The following RHOT1 variants were observed in gnomAD, a reference collection of about 807,000 sequenced individuals.
The protein encoded by RHOT1 is ras homolog family member T1.
Under a neutral mutation model 95.3 loss-of-function variants are expected in RHOT1, and 27 were observed. The ratio of observed to expected loss-of-function variants is 0.28; its 90% CI spans 0.21 to 0.39. The LOEUF (loss-of-function observed/expected upper bound fraction) is 0.39, where lower values mean the gene tolerates loss of function less well. Among genes scored for constraint, RHOT1 ranks in the 10% least tolerant of loss-of-function variants. The pLI is 1.00. For synonymous variants in RHOT1, 227 were observed against 263.5 expected, an observed-to-expected ratio of 0.86 and a Z score of 1.34; for missense variants, 578 against 786.7, an observed-to-expected ratio of 0.73 and a Z score of 3.17.
chr17:32,201,524 G>A (rs954830959), intron 14 of RHOT1, among the ~76,000 whole-genome samples: 2 of 152,182 alleles, frequency 1.3e-5, no homozygotes, highest in African/African-American at 4.8e-5. Context: ...TTATATCCCT[G>A]TTGGTGGAAA....
At chr17:32,161,357 G>A (rs2033536572) in intron 1 of RHOT1, among the ~76,000 whole-genome samples, 1 of 152,106 alleles carries the variant, frequency 6.6e-6, no homozygotes, top group African/African-American at 2.4e-5. Context: ...CACCAGAAAT[G>A]CAAAAATATG....
intron 6 of RHOT1, among the ~76,000 whole-genome samples, chr17:32,176,815 C>T (rs1321265850): frequency 2.0e-5 from 3 of 152,096 alleles, no homozygotes; most frequent in Non-Finnish European, 2.9e-5. Context: ...AAATGATCTG[C>T]TCGCCTTGGC....
chr17:32,203,821 C>T, intron 15 of RHOT1, 69 bp from the exon 16 acceptor site: 1 of 1,087,890 alleles, frequency 9.2e-7, no homozygotes, highest in African/African-American at 1.5e-5. Context: ...TGCACATATA[C>T]ACAGAGATGT....
At chr17:32,214,069 G>C (rs755030041) in intron 19 of RHOT1, among the ~76,000 whole-genome samples, 1 of 152,086 alleles carries the variant, frequency 6.6e-6, no homozygotes, top group Non-Finnish European at 1.5e-5. Flanking sequence ...CCTTATCCCC[G>C]TTAGTATTTC....
chr17:32,221,583 C>T (rs2038839479), intron 19 of RHOT1, among the ~76,000 whole-genome samples: 1 of 152,172 alleles, frequency 6.6e-6, no homozygotes, highest in Non-Finnish European at 1.5e-5. Context: ...CCTGGTAGTG[C>T]AGCCTTTAAA....
chr17:32,182,649 G>A (rs1185628536), intron 6 of RHOT1, 108 bp from the exon 7 acceptor site: 2 of 687,766 alleles, frequency 2.9e-6, no homozygotes, highest in African/African-American at 3.7e-5. Context: ...TCATGTTGTT[G>A]AGAAGATTAA....
At chr17:32,211,019 T>A (rs2038093361) in intron 18 of RHOT1, 97 bp from the exon 19 acceptor site, 1 of 1,252,882 alleles carries the variant, frequency 8.0e-7, no homozygotes, top group Non-Finnish European at 1.1e-6. Context: ...AGAGTGTTGC[T>A]TATGCCTAAG....
chr17:32,201,083 A>G (rs1457729681), intron 14 of RHOT1, 27 bp downstream of exon 14: 4 of 1,328,866 alleles, frequency 3.0e-6, no homozygotes, highest in South Asian at 1.3e-5. Context: ...TGTTCAGCTC[A>G]TGATTAGAGA....
chr17:32,188,729 A>G (rs559723456), intron 8 of RHOT1, among the ~76,000 whole-genome samples: 1 of 152,326 alleles, frequency 6.6e-6, no homozygotes, highest in African/African-American at 2.4e-5. Flanking sequence ...ACTTTGTAGA[A>G]GTTTGATTTC....
intron 1 of RHOT1, chr17:32,150,468 G>A: frequency 1.1e-6 from 1 of 929,270 alleles, no homozygotes; most frequent in South Asian, 1.9e-5. Context: ...AGGTTTTCTG[G>A]AATTCCAGGC....
At chr17:32,219,235 T>C (rs901115694) in intron 19 of RHOT1, among the ~76,000 whole-genome samples, 82 of 152,250 alleles carry the variant, frequency 5.4e-4, no homozygotes, top group Non-Finnish European at 1.9e-4. Context: ...TATTTTCTAC[T>C]GAACTTTTCT....
chr17:32,190,243 T>C (rs2036388134), intron 8 of RHOT1, among the ~76,000 whole-genome samples: 1 of 151,908 alleles, frequency 6.6e-6, no homozygotes, highest in Non-Finnish European at 1.5e-5. Context: ...ATCATGAGGT[T>C]AGGAGATCGA....
intron 1 of RHOT1, among the ~76,000 whole-genome samples, chr17:32,169,399 T>G (rs879326261): frequency 6.6e-6 from 1 of 152,200 alleles, no homozygotes; most frequent in Non-Finnish European, 1.5e-5. Flanking sequence ...AAGTCAAATT[T>G]CATAATAAAA....
intron 1 of RHOT1, among the ~76,000 whole-genome samples, chr17:32,162,703 A>G (rs758223652): frequency 6.6e-6 from 1 of 152,192 alleles, no homozygotes; most frequent in African/African-American, 2.4e-5. Context: ...AATTTTGTTC[A>G]CTATCCAAGT....
rs77056996 is a variant in RHOT1, at chr17:32,196,334, G to A, written c.869+2227G>A. On this transcript the variant is annotated intron_variant, in intron 11 of 19. Coordinates refer to ENST00000545287, the MANE Select transcript of RHOT1 (RefSeq NM_001033566.3). ...GCCTGCCAAGTAGCTGGGACTACAG[G>A]CACATGGCCACCATTCCCAGATAAT... 5.9e-4 allele frequency among the ~76,000 whole-genome samples: 90 copies of A among 152,186 alleles called. 4 individuals carry two copies. In the East Asian group the frequency reaches 0.017, roughly 29 times the overall value.
rs568343225 is a variant in RHOT1, at chr17:32,198,441, G to T, written c.870-506G>T. ...TTAAGAAAATGGGCCTGCTACAGTG[G>T]CTTATGCCTATAATCCCAACACTTA... On this transcript the variant is annotated intron_variant, in intron 11 of 19. Coordinates refer to ENST00000545287, the MANE Select transcript of RHOT1 (RefSeq NM_001033566.3). 7.9e-5 allele frequency among the ~76,000 whole-genome samples: 12 copies of T among 152,250 alleles called. 1 individual carries two copies. The South Asian group carries it at 2.5e-3, about 32-fold the overall frequency.
In RHOT1 at chr17:32,198,927, C is replaced by G. The variant is rs973314722; in HGVS notation, c.870-20C>G. On this transcript the variant is annotated intron_variant, in intron 11 of 19. Coordinates refer to ENST00000545287, the MANE Select transcript of RHOT1 (RefSeq NM_001033566.3). Reference sequence around the variant, plus strand: ...AACATTTGATTAATGATTTATTTTACTCTTGAATTTTTTCAACAGGCTGAA... The same window carrying G: ...AACATTTGATTAATGATTTATTTTAGTCTTGAATTTTTTCAACAGGCTGAA... The G allele has an allele frequency of 2.0e-6, 3 of 1,485,148 alleles. No homozygotes were observed. Among genetic ancestry groups the G allele is most frequent in the Non-Finnish European group, 2.8e-6 (3 of 1,073,236 alleles). The allele number at this position is 1,485,148 out of a possible 1,614,324, so 92.0% of individuals were successfully genotyped here. A position where few individuals can be genotyped will look rare whatever the true frequency, so the allele number is the denominator to read the frequency against.
At chr17:32,150,945 G>A (rs1323306636) in intron 1 of RHOT1, 10 of 1,550,388 alleles carry the variant, frequency 6.5e-6, no homozygotes, top group Non-Finnish European at 8.8e-6. Flanking sequence ...ATCTGGTTTG[G>A]TTGCTTTGCT....
chr17:32,181,425 T>G (rs754440104), intron 6 of RHOT1, among the ~76,000 whole-genome samples: 2 of 152,242 alleles, frequency 1.3e-5, no homozygotes, highest in South Asian at 4.1e-4. Flanking sequence ...ACATCTAACC[T>G]ATCAGCTGTT....
Sources: gnomAD v4.1 joint callset for allele counts (sites outside exome capture counted in the v4.1 genomes callset) on GRCh38, gnomAD v4.1.1 for gene constraint, MANE v1.5 for transcripts, NCBI Gene and HGNC (gene_info 2026-07-23, HGNC 2026-07-21) for gene names.